The following EPS15L1 variants were observed in gnomAD, a reference collection of about 807,000 sequenced individuals.
EPS15L1 encodes the protein epidermal growth factor receptor substrate 15-like 1.
In EPS15L1, 43 loss-of-function variants were observed where a neutral mutation model predicts 117.1. The ratio of observed to expected loss-of-function variants is 0.37; its 90% confidence interval spans 0.29 to 0.47. The LOEUF (loss-of-function observed/expected upper bound fraction) is 0.47. Among genes scored for constraint, EPS15L1 ranks in the 20% least tolerant of loss-of-function variants. The probability of loss-of-function intolerance (pLI) is 0.99; values close to 1 mark genes in which losing one functional copy is unlikely to be tolerated. For missense variants in EPS15L1, 981 were observed against 1,164.0 expected, an observed-to-expected ratio of 0.84 and a Z score of 2.29; for synonymous variants, 459 against 470.5, an observed-to-expected ratio of 0.98 and a Z score of 0.32.
At chr19:16,433,114 T>C (rs557063367) in intron 7 of EPS15L1, among the ~76,000 whole-genome samples, 46 of 143,904 alleles carry the variant, frequency 3.2e-4, no homozygotes, top group African/African-American at 1.1e-3. Context: ...CCAGCCTAAA[T>C]TGAGGGTTTT....
chr19:16,372,137 T>G (rs1228800962), intron 22 of EPS15L1, among the ~76,000 whole-genome samples: 2 of 152,144 alleles, frequency 1.3e-5, no homozygotes, highest in African/African-American at 4.8e-5. Flanking sequence ...ACTTTCTGGC[T>G]TAGATGGAGA....
intron 18 of EPS15L1, among the ~76,000 whole-genome samples, chr19:16,392,946 G>A (rs2144776783): frequency 6.6e-6 from 1 of 152,110 alleles, no homozygotes. Flanking sequence ...GGAGGCTGAG[G>A]CAGAAAGGCT....
At chr19:16,393,269 T>C (rs997373507) in intron 18 of EPS15L1, among the ~76,000 whole-genome samples, 6 of 151,990 alleles carry the variant, frequency 3.9e-5, no homozygotes, top group Non-Finnish European at 2.9e-5. Flanking sequence ...AAGGTGATCA[T>C]TGCACAACAC....
intron 19 of EPS15L1, among the ~76,000 whole-genome samples, chr19:16,388,508 CA>C (rs1268509643): frequency 6.6e-6 from 1 of 152,140 alleles, no homozygotes; most frequent in African/African-American, 2.4e-5. Context: ...CCACCTATTA[CA>C]TACAGGATAA....
At position 16,370,595 on chromosome 19, in the gene EPS15L1, A is replaced by G. The variant is rs1423473087; in HGVS notation, c.2380+6527T>C. Among the ~76,000 whole-genome samples the G allele has an allele frequency of 6.6e-6, 1 of 152,014 alleles. No homozygotes were observed. Among genetic ancestry groups the G allele is most frequent in the Non-Finnish European group, 1.5e-5 (1 of 67,978 alleles). ...CCAGATGATAATCGAGTCACACGAC[A>G]CTCCCTGGATCCGCCTCTGGGTACA... On this transcript the variant is annotated intron_variant, in intron 22 of 23. Transcript: ENST00000455140. The surrounding 1 kb of genome is among the most constrained non-coding windows in gnomAD (Gnocchi z 5.2).
intron 19 of EPS15L1, among the ~76,000 whole-genome samples, chr19:16,387,556 G>A (rs1358536919): frequency 1.3e-5 from 2 of 152,222 alleles, no homozygotes; most frequent in African/African-American, 4.8e-5. Flanking sequence ...GCAGTGAGCC[G>A]AGATTATGCC....
intron 1 of EPS15L1, among the ~76,000 whole-genome samples, chr19:16,449,717 T>C (rs915730084): frequency 4.6e-5 from 7 of 152,204 alleles, no homozygotes; most frequent in African/African-American, 1.7e-4. Context: ...CACAGCTTTA[T>C]ATGTCACTGC....
At chr19:16,387,168 G>A (rs770275349) in intron 19 of EPS15L1, among the ~76,000 whole-genome samples, 1 of 152,156 alleles carries the variant, frequency 6.6e-6, no homozygotes, top group Non-Finnish European at 1.5e-5. Flanking sequence ...GAAAATATAC[G>A]AAAGAAACAA....
At chr19:16,425,951 G>C (rs2092867709) in intron 8 of EPS15L1, among the ~76,000 whole-genome samples, 1 of 152,228 alleles carries the variant, frequency 6.6e-6, no homozygotes, top group Admixed American at 6.5e-5. Context: ...ATCACCATTT[G>C]GCAGCCACCA....
chr19:16,428,461 AGAGAGAG>A (rs2092896287), intron 8 of EPS15L1, among the ~76,000 whole-genome samples: 2 of 121,988 alleles, frequency 1.6e-5, no homozygotes, highest in African/African-American at 6.1e-5. Flanking sequence ...GGAGGGAGAC[AGAGAGAG>A]GAGAGAGGGA....
At chr19:16,399,968 A>T (rs965185922) in intron 16 of EPS15L1, among the ~76,000 whole-genome samples, 1 of 152,108 alleles carries the variant, frequency 6.6e-6, no homozygotes, top group Non-Finnish European at 1.5e-5. Context: ...TTCTCTCCAT[A>T]AGTTGATTGG....
intron 1 of EPS15L1, among the ~76,000 whole-genome samples, chr19:16,463,654 A>C (rs2093274068): frequency 6.6e-6 from 1 of 152,212 alleles, no homozygotes; most frequent in African/African-American, 2.4e-5. Flanking sequence ...AAGGATGAAT[A>C]AAACAGGCAC....
At chr19:16,409,971 T>C (rs1488472814) in intron 13 of EPS15L1, among the ~76,000 whole-genome samples, 1 of 84,948 alleles carries the variant, frequency 1.2e-5, no homozygotes, top group East Asian at 3.2e-4. Flanking sequence ...AAATCAGCTA[T>C]AAAAAGAACC....
At chr19:16,386,030 T>C in intron 20 of EPS15L1, 141 bp downstream of exon 20, 1 of 675,710 alleles carries the variant, frequency 1.5e-6, no homozygotes, top group South Asian at 1.8e-5. Context: ...CCTAATGGGC[T>C]CAGGCCAGGA....
intron 7 of EPS15L1, among the ~76,000 whole-genome samples, chr19:16,432,148 A>C (rs1447082703): frequency 6.6e-6 from 1 of 152,132 alleles, no homozygotes; most frequent in Non-Finnish European, 1.5e-5. Context: ...AAATTAATTA[A>C]TTTGGCCAGG....
intron 21 of EPS15L1, among the ~76,000 whole-genome samples, chr19:16,384,715 G>A (rs923350456): frequency 2.6e-5 from 4 of 152,130 alleles, no homozygotes; most frequent in Non-Finnish European, 4.4e-5. Context: ...AACACCCCTT[G>A]AGAGTTCTGT....
intron 9 of EPS15L1, among the ~76,000 whole-genome samples, chr19:16,424,041 C>T (rs2092843350): frequency 6.6e-6 from 1 of 152,222 alleles, no homozygotes; most frequent in South Asian, 2.1e-4. Flanking sequence ...GGCAGCCTTG[C>T]CGTGGAGCTG....
chr19:16,425,375 A>C (rs2092861050), intron 8 of EPS15L1, 59 bp from the exon 9 acceptor site: 1 of 1,238,508 alleles, frequency 8.1e-7, no homozygotes, highest in East Asian at 2.5e-5. Context: ...GACCATCAGG[A>C]GAAGGCAGAG....
chr19:16,435,680 C>A (rs572810540), intron 6 of EPS15L1, among the ~76,000 whole-genome samples: 60 of 151,766 alleles, frequency 4.0e-4, no homozygotes, highest in Admixed American at 9.8e-4. Context: ...CCTCTCCTGG[C>A]CATCGGACTT....
Sources: gnomAD v4.1 joint callset for allele counts (sites outside exome capture counted in the v4.1 genomes callset) on GRCh38, gnomAD v4.1.1 for gene constraint, Gnocchi (gnomAD v3.1) non-coding constraint, MANE v1.5 for transcripts, NCBI Gene and HGNC (gene_info 2026-07-23, HGNC 2026-07-21) for gene names.